KHDC1: variants seen among roughly 807,000 people sequenced by gnomAD.
KHDC1 encodes KH homology domain-containing protein 1.
A neutral mutation model predicts 24.7 loss-of-function variants in KHDC1; 21 were observed. The observed-to-expected ratio is 0.85, with a 90% CI of 0.60 to 1.23. KHDC1 has a LOEUF of 1.23. Ranked by LOEUF, KHDC1 falls within the 50% of genes most tolerant of loss-of-function variation. The pLI is 0.00. For missense variants in KHDC1, 274 were observed against 298.5 expected (o/e 0.92, Z 0.61); for synonymous variants, 98 against 111.7 (o/e 0.88, Z 0.77).
At chr6:73,247,514 C>A (rs2150553240) in intron 2 of KHDC1, among the ~76,000 whole-genome samples, 1 of 152,264 alleles carries the variant, frequency 6.6e-6, no homozygotes, top group East Asian at 1.9e-4. Flanking sequence ...ACCCATAGGC[C>A]TCCTCAGCTG....
chr6:73,242,294 G>A (rs1020941020), intron 3 of KHDC1, 57 bp from the exon 3 acceptor site: 2 of 1,603,646 alleles, frequency 1.2e-6, no homozygotes, highest in South Asian at 2.2e-5. Flanking sequence ...TAGGGAATGG[G>A]GAGGTGGCCT....
chr6:73,289,333 C>CA (rs60179008), intron 2 of KHDC1, among the ~76,000 whole-genome samples: 32,246 of 62,084 alleles, frequency 0.52, 11,492 homozygotes, highest in Non-Finnish European at 0.64. Flanking sequence ...GACTCCATCT[C>CA]AAAAAAAAAA....
At chr6:73,272,514 A>G (rs1444771652) in intron 2 of KHDC1, among the ~76,000 whole-genome samples, 3 of 151,768 alleles carry the variant, frequency 2.0e-5, no homozygotes, top group African/African-American at 7.2e-5. Flanking sequence ...GGTGGCTCAC[A>G]CCCGTAATCC....
intron 1 of KHDC1, among the ~76,000 whole-genome samples, chr6:73,307,203 G>A (rs117509485): frequency 0.045 from 6,896 of 152,180 alleles, 176 homozygotes; most frequent in Middle Eastern, 0.065. Flanking sequence ...GCTGAGGCGG[G>A]TGGATCACGA....
At chr6:73,279,385 C>T (rs1361770840) in intron 2 of KHDC1, among the ~76,000 whole-genome samples, 1 of 151,962 alleles carries the variant, frequency 6.6e-6, no homozygotes, top group Admixed American at 6.6e-5. Flanking sequence ...AGGTGACAGA[C>T]CGAGCCTGTC....
chr6:73,272,773 C>T (rs1767203455), intron 2 of KHDC1, among the ~76,000 whole-genome samples: 1 of 150,670 alleles, frequency 6.6e-6, no homozygotes, highest in Non-Finnish European at 1.5e-5. Flanking sequence ...AAGACTCCAT[C>T]CCGGGGGGGA....
intron 2 of KHDC1, among the ~76,000 whole-genome samples, chr6:73,250,356 G>C (rs930991272): frequency 2.0e-5 from 3 of 152,182 alleles, no homozygotes; most frequent in African/African-American, 7.2e-5. Flanking sequence ...ACCTAAAGGA[G>C]GCTTCCAGCA....
intron 1 of KHDC1, chr6:73,293,095 T>G (rs1017231908): frequency 5.2e-6 from 5 of 957,982 alleles, no homozygotes; most frequent in Non-Finnish European, 8.3e-6. Flanking sequence ...CCAAGATTGA[T>G]TCTAAATTAG....
chr6:73,304,451 T>A lies in KHDC1; in HGVS notation c.163+5101A>T, dbSNP rs533305727. On this transcript the variant is annotated intron_variant, in intron 1 of 4. Transcript: ENST00000370384. ...ACTGAGAGCCATGAATGGGAGAGGC[T>A]TTTCATGTTTTATTTTTATAAATAT... Among the ~76,000 whole-genome samples the A allele has an allele frequency of 4.8e-4, 73 of 152,236 alleles. 1 individual carries two copies. Among genetic ancestry groups the A allele is most frequent in the African/African-American group, 1.6e-3 (66 of 41,534 alleles).
At chr6:73,272,855 TCTTTTTC>T (rs1323420666) in intron 2 of KHDC1, among the ~76,000 whole-genome samples, 2 of 144,862 alleles carry the variant, frequency 1.4e-5, no homozygotes, top group African/African-American at 5.3e-5. Context: ...TCTTTTCTTT[TCTTTTTC>T]TTTTTTTTTT....
chr6:73,304,304 T>TA lies in KHDC1; in HGVS notation c.163+5247dup, dbSNP rs557678048. On this transcript the variant is annotated intron_variant, in intron 1 of 4. Transcript: ENST00000370384. ...TTTTGAAAGTCTAAAATCTCAAAAT[T>TA]AAAAATGAAAAAAGTAAAGGTACAA... 3.6e-3 allele frequency among the ~76,000 whole-genome samples: 551 copies of TA among 152,198 alleles called. 1 individual carries two copies. The highest frequency in any genetic ancestry group is 5.3e-3 in the Non-Finnish European group (359 of 68,004).
chr6:73,251,799 C>CT (rs754294241), intron 2 of KHDC1, among the ~76,000 whole-genome samples: 2,422 of 124,000 alleles, frequency 0.02, 47 homozygotes, highest in African/African-American at 0.057. Context: ...CTTTTCTTTT[C>CT]TTTTTTTTTT....
At chr6:73,243,137 A>C (rs138424122) in intron 2 of KHDC1, among the ~76,000 whole-genome samples, 2 of 152,288 alleles carry the variant, frequency 1.3e-5, no homozygotes, top group East Asian at 3.9e-4. Flanking sequence ...TTATCTAGGA[A>C]GGGAAGTAAA....
intron 2 of KHDC1, among the ~76,000 whole-genome samples, chr6:73,287,447 A>G (rs1767544489): frequency 6.6e-6 from 1 of 152,222 alleles, no homozygotes; most frequent in South Asian, 2.1e-4. Context: ...TTCAATCTGT[A>G]CATCAAAGAA....
chr6:73,241,572 A>C, exon 5 of KHDC1: 1 of 1,614,100 alleles, frequency 6.2e-7, no homozygotes, highest in Non-Finnish European at 8.5e-7. Context: ...ACAACCAATC[A>C]CTTGGTAAGG....
intron 2 of KHDC1, among the ~76,000 whole-genome samples, chr6:73,259,280 CTTTTTTTTTTTTTT>C (rs59935884): frequency 1.4e-5 from 1 of 73,238 alleles, no homozygotes; most frequent in Non-Finnish European, 2.4e-5. Flanking sequence ...ATCCAATATG[CTTTTTTTTTTTTTT>C]TTTTTTTTTT....
chr6:73,266,076 C>A (rs898010308), intron 2 of KHDC1, among the ~76,000 whole-genome samples: 1 of 152,074 alleles, frequency 6.6e-6, no homozygotes, highest in Non-Finnish European at 1.5e-5. Context: ...CAAGGTTTAT[C>A]TTTGGGTGTT....
At chr6:73,295,812 C>T (rs527428771) in intron 1 of KHDC1, among the ~76,000 whole-genome samples, 2 of 148,462 alleles carry the variant, frequency 1.3e-5, no homozygotes, top group Non-Finnish European at 3.0e-5. Flanking sequence ...TGCCACTGCA[C>T]TCCAGCCTGG....
intron 2 of KHDC1, among the ~76,000 whole-genome samples, chr6:73,263,611 T>TGG (rs10611256): frequency 0.027 from 3,735 of 140,776 alleles, 84 homozygotes; most frequent in Non-Finnish European, 0.036. Flanking sequence ...GGTGTCGCGG[T>TGG]GGGGGGGGGG....
Sources: gnomAD v4.1 joint callset for allele counts (sites outside exome capture counted in the v4.1 genomes callset) on GRCh38, gnomAD v4.1.1 for gene constraint, MANE v1.5 for transcripts, NCBI Gene and HGNC (gene_info 2026-07-23, HGNC 2026-07-21) for gene names.